Variants in TNNI3K observed in about 807,000 individuals in gnomAD.
TNNI3K encodes the protein TNNI3 interacting kinase, also known as serine/threonine-protein kinase TNNI3K.
A neutral mutation model predicts 114.5 loss-of-function variants in TNNI3K; 140 were observed. The observed-to-expected ratio is 1.22, with a 90% confidence interval of 1.07 to 1.41. The LOEUF is 1.41. Among genes scored for constraint, TNNI3K ranks in the 40% most tolerant of loss-of-function variants. TNNI3K has a pLI of 0.00. For missense variants in TNNI3K, 1,125 were observed against 1,007.6 expected (o/e 1.12, Z -1.58); for synonymous variants, 347 against 347.5 (o/e 1.00, Z 0.02).
At chr1:74,337,449 G>A (rs1400170400) in intron 7 of TNNI3K, among the ~76,000 whole-genome samples, 2 of 152,018 alleles carry the variant, frequency 1.3e-5, no homozygotes, top group Admixed American at 1.3e-4. Context: ...GAATGGTAAT[G>A]CCTAGGTTTT....
At chr1:74,398,345 G>A (rs1192683272) in intron 17 of TNNI3K, among the ~76,000 whole-genome samples, 3 of 152,166 alleles carry the variant, frequency 2.0e-5, no homozygotes, top group Non-Finnish European at 2.9e-5. Context: ...AAACTGCATA[G>A]GAGAAGTTAT....
In TNNI3K at chr1:74,271,604, G is replaced by A. The variant is rs1224081584; in HGVS notation, c.340G>A (p.Ala114Thr). The A allele has an allele frequency of 6.2e-7, 1 of 1,602,930 alleles. No homozygotes were observed. The highest frequency in any genetic ancestry group is 8.5e-7 in the Non-Finnish European group (1 of 1,174,076). ...ALHLAVYKDN[A>T]ELITSLLHSG... ...AAGATATGTTTCCTTACAGGATAAT[G>A]CAGAATTGATCACTTCTCTGCTTCA... The change falls in exon 5 of 25, where the codon GCA becomes ACA. Residue 114 changes from alanine (A) to threonine (T), a missense_variant. By Grantham distance (58) the Ala-to-Thr change is moderately conservative. Coordinates refer to ENST00000326637, the MANE Select transcript of TNNI3K (RefSeq NM_015978.3).
chr1:74,491,974 G>T (rs1216539418), intron 22 of TNNI3K, 123 bp from the exon 23 acceptor site: 2 of 1,337,746 alleles, frequency 1.5e-6, no homozygotes. Context: ...CCAGGAGCAA[G>T]CTGAGTGAAT....
At chr1:74,480,013 A>T in intron 21 of TNNI3K, 3 of 603,740 alleles carry the variant, frequency 5.0e-6, no homozygotes, top group Non-Finnish European at 8.9e-6. Context: ...CAAATCAGCT[A>T]ATATCCTCCC....
At chr1:74,522,591 A>G (rs1403460693) in intron 23 of TNNI3K, among the ~76,000 whole-genome samples, 3 of 152,050 alleles carry the variant, frequency 2.0e-5, no homozygotes, top group Non-Finnish European at 4.4e-5. Flanking sequence ...TTTTTCCTGC[A>G]TATTCCCAAA....
intron 2 of TNNI3K, among the ~76,000 whole-genome samples, chr1:74,245,708 C>T (rs572543610): frequency 2.6e-5 from 4 of 152,274 alleles, no homozygotes; most frequent in Admixed American, 1.3e-4. Flanking sequence ...GTGCTATTCT[C>T]CAGGGTACTG....
chr1:74,282,337 G>T (rs1469701970), intron 5 of TNNI3K, among the ~76,000 whole-genome samples: 1 of 152,028 alleles, frequency 6.6e-6, no homozygotes, highest in African/African-American at 2.4e-5. Context: ...ACAGTTCAGG[G>T]CAATAGAAGT....
intron 5 of TNNI3K, among the ~76,000 whole-genome samples, chr1:74,273,685 A>G (rs45568133): frequency 1.4e-3 from 208 of 152,036 alleles, no homozygotes; most frequent in Non-Finnish European, 1.7e-3. Flanking sequence ...TACCAGACTT[A>G]GGGCAAACTT....
chr1:74,390,102 A>T (rs560838158), intron 17 of TNNI3K, among the ~76,000 whole-genome samples: 2 of 152,314 alleles, frequency 1.3e-5, no homozygotes, highest in South Asian at 4.1e-4. Context: ...AAAACTGGGA[A>T]GAATGAGTTT....
intron 23 of TNNI3K, among the ~76,000 whole-genome samples, chr1:74,527,572 CAG>C (rs777284541): frequency 2.6e-5 from 4 of 152,052 alleles, no homozygotes; most frequent in South Asian, 4.1e-4. Flanking sequence ...GGAGGGGAGA[CAG>C]GGCAGACAGG....
chr1:74,301,960 G>A (rs1658353751), intron 5 of TNNI3K, among the ~76,000 whole-genome samples: 1 of 152,194 alleles, frequency 6.6e-6, no homozygotes, highest in Non-Finnish European at 1.5e-5. Context: ...AAATGTGCAA[G>A]AAATGAACTT....
rs1035919084 is a variant in TNNI3K at position 74,540,231 on chromosome 1, C to T, written c.2352-3C>T. 5.6e-6 allele frequency: 9 copies of T among 1,609,984 alleles called. No homozygotes were observed. The East Asian group carries it at 6.7e-5, about 12-fold the overall frequency. On this transcript the variant is annotated splice_polypyrimidine_tract_variant and splice_region_variant and intron_variant, in intron 23 of 24. Transcript: ENST00000326637. ...GTGAAACTGTGTTTTATTAATTTTC[C>T]AGTGCTGGACAATATTCCTCTCAAG... is the stretch of plus-strand genomic sequence containing the variant.
At chr1:74,524,326 A>G (rs1646474522) in intron 23 of TNNI3K, among the ~76,000 whole-genome samples, 1 of 152,208 alleles carries the variant, frequency 6.6e-6, no homozygotes, top group African/African-American at 2.4e-5. Flanking sequence ...GGCCTGCCAG[A>G]AACAGAGGGG....
chr1:74,331,260 C>T (rs918236628), intron 5 of TNNI3K, among the ~76,000 whole-genome samples, 190 bp from the exon 6 acceptor site: 2 of 152,120 alleles, frequency 1.3e-5, no homozygotes, highest in African/African-American at 4.8e-5. Context: ...GAATGTCATA[C>T]TAAGGAAATT....
chr1:74,289,486 G>GTGCTATA (rs2100282374), intron 5 of TNNI3K, among the ~76,000 whole-genome samples: 1 of 2,680 alleles, frequency 3.7e-4, no homozygotes, highest in South Asian at 0.025. Flanking sequence ...CATAGGTAGT[G>GTGCTATA]TCATTAGTCT....
chr1:74,378,076 A>T (rs1445521735), intron 17 of TNNI3K, among the ~76,000 whole-genome samples: 1 of 152,134 alleles, frequency 6.6e-6, no homozygotes, highest in Non-Finnish European at 1.5e-5. Flanking sequence ...AATAATCACT[A>T]TCATTTGGAG....
rs199853632 is a variant in TNNI3K at position 74,334,985 on chromosome 1, TAA to T, written c.544-1021_544-1020del. On this transcript the variant is annotated intron_variant, in intron 6 of 24. Coordinates refer to ENST00000326637, the MANE Select transcript of TNNI3K (RefSeq NM_015978.3). ...GGTCAAAAAATGTGGAGATGATTTTTAAAAAACGTTTTCAAAGCTCCCTAGCA... is the reference window on the plus strand; with the variant it reads ...GGTCAAAAAATGTGGAGATGATTTTTAAAACGTTTTCAAAGCTCCCTAGCA... Among the ~76,000 whole-genome samples, 23 of 152,276 alleles carry T rather than the reference TAA, an allele frequency of 1.5e-4. No homozygotes were observed. In the East Asian group the frequency reaches 3.1e-3, roughly 20 times the overall value.
intron 17 of TNNI3K, among the ~76,000 whole-genome samples, chr1:74,410,815 A>G (rs1664845171): frequency 6.6e-6 from 1 of 152,216 alleles, no homozygotes; most frequent in Non-Finnish European, 1.5e-5. Flanking sequence ...TCTCAAAATC[A>G]GTGGTGCCTT....
In TNNI3K at chr1:74,388,277, C is replaced by CA. The variant is rs201234244; in HGVS notation, c.1772+17893dup. ...TGGGTGGCAGAGCAAGATTCCGTCACAAAAAAAATAATAATAATTTTTTTC... is the reference window on the plus strand; with the variant it reads ...TGGGTGGCAGAGCAAGATTCCGTCACAAAAAAAAATAATAATAATTTTTTTC... On this transcript the variant is annotated intron_variant, in intron 17 of 24. Transcript: ENST00000326637. Among the ~76,000 whole-genome samples, 409 of 147,632 alleles carry CA rather than the reference C, an allele frequency of 2.8e-3. 1 individual carries two copies. The highest frequency in any genetic ancestry group is 7.9e-3 in the African/African-American group (318 of 40,248).
Sources: gnomAD v4.1 joint callset for allele counts (sites outside exome capture counted in the v4.1 genomes callset) on GRCh38, gnomAD v4.1.1 for gene constraint, MANE v1.5 for transcripts, NCBI Gene and HGNC (gene_info 2026-07-23, HGNC 2026-07-21) for gene names.